Variants in MSRA observed in about 807,000 individuals in gnomAD.
MSRA encodes the protein methionine sulfoxide reductase A.
MSRA carries 54 observed loss-of-function variants against 31.3 expected under a neutral mutation model. The ratio of observed to expected loss-of-function variants is 1.73; its 90% CI spans 1.39 to 2.17. The LOEUF is 2.17. Among genes scored for constraint, MSRA ranks in the 30% most tolerant of loss-of-function variants. The pLI is 0.00. For missense variants in MSRA, 507 were observed against 300.9 expected, an observed-to-expected ratio of 1.69 and a Z score of -5.07; for synonymous variants, 169 against 116.5, an observed-to-expected ratio of 1.45 and a Z score of -2.90.
At chr8:10,064,105 C>T (rs1235241534) in intron 1 of MSRA, among the ~76,000 whole-genome samples, 2 of 152,130 alleles carry the variant, frequency 1.3e-5, no homozygotes, top group African/African-American at 4.8e-5. Flanking sequence ...AGTCATTTCC[C>T]CCGCTGTGTT....
At chr8:10,394,543 C>T (rs765868717) in intron 5 of MSRA, among the ~76,000 whole-genome samples, 11 of 152,232 alleles carry the variant, frequency 7.2e-5, no homozygotes, top group African/African-American at 2.7e-4. Context: ...ACTTGATTCC[C>T]TGAGCAGCTC....
chr8:10,391,283 C>T (rs1271874795), intron 5 of MSRA, among the ~76,000 whole-genome samples: 1 of 152,192 alleles, frequency 6.6e-6, no homozygotes, highest in Non-Finnish European at 1.5e-5. Flanking sequence ...GACCCGGACT[C>T]AAGGTCTGCT....
chr8:10,401,638 C>T (rs1041292433), intron 5 of MSRA, among the ~76,000 whole-genome samples: 4 of 151,644 alleles, frequency 2.6e-5, no homozygotes, highest in African/African-American at 9.7e-5. Flanking sequence ...TTACAATAGC[C>T]AAAAAGTGGA....
At chr8:10,132,600 T>C (rs1198948509) in intron 1 of MSRA, among the ~76,000 whole-genome samples, 1 of 152,202 alleles carries the variant, frequency 6.6e-6, no homozygotes, top group East Asian at 1.9e-4. Flanking sequence ...GGTCACCTTC[T>C]TGCTGAACAG....
chr8:10,350,077 T>G lies in MSRA; in HGVS notation c.543+30088T>G, dbSNP rs111428285. On this transcript the variant is annotated intron_variant, in intron 5 of 5. Coordinates refer to ENST00000317173, the MANE Select transcript of MSRA (RefSeq NM_012331.5). The stretch of plus-strand genomic sequence containing the variant: ...CTCGGATTGTACTTGAAACTTTCCA[T>G]TCTCCAGCTGGGCCATTTGGGGCAC... Among the ~76,000 whole-genome samples, 67 of 152,370 alleles carry G rather than the reference T, an allele frequency of 4.4e-4. 1 individual carries two copies. Among genetic ancestry groups the G allele is most frequent in the African/African-American group, 1.6e-3 (65 of 41,600 alleles).
At chr8:10,214,050 TG>T (rs1406281987) in intron 2 of MSRA, among the ~76,000 whole-genome samples, 2 of 152,216 alleles carry the variant, frequency 1.3e-5, no homozygotes, top group African/African-American at 4.8e-5. Context: ...AATGTCTCTC[TG>T]ACCTCAAACC....
intron 2 of MSRA, among the ~76,000 whole-genome samples, chr8:10,219,913 AAATC>A (rs1424985245): frequency 6.6e-6 from 1 of 151,814 alleles, no homozygotes; most frequent in African/African-American, 2.4e-5. Context: ...TAGGCAATCA[AAATC>A]AAACAGTGCC....
intron 2 of MSRA, among the ~76,000 whole-genome samples, chr8:10,229,619 G>A (rs983610835): frequency 1.3e-5 from 2 of 152,048 alleles, no homozygotes; most frequent in Non-Finnish European, 2.9e-5. Context: ...AGAACAGAGT[G>A]GACACGAACG....
chr8:10,378,149 G>C (rs1188122493), intron 5 of MSRA, among the ~76,000 whole-genome samples: 1 of 152,220 alleles, frequency 6.6e-6, no homozygotes, highest in Non-Finnish European at 1.5e-5. Flanking sequence ...GGGGATCAGG[G>C]ACCCTGGATT....
chr8:10,166,127 C>T (rs1805099557), intron 1 of MSRA, among the ~76,000 whole-genome samples: 1 of 152,180 alleles, frequency 6.6e-6, no homozygotes. Context: ...CCCAGCTTCA[C>T]TCTGGAGAGC....
chr8:10,121,053 G>A (rs867639145), intron 1 of MSRA, among the ~76,000 whole-genome samples: 1 of 152,088 alleles, frequency 6.6e-6, no homozygotes, highest in East Asian at 1.9e-4. Context: ...GTTAATAAAG[G>A]GTAGTCACTT....
At chr8:10,171,062 T>C (rs1317720059) in intron 1 of MSRA, among the ~76,000 whole-genome samples, 1 of 152,218 alleles carries the variant, frequency 6.6e-6, no homozygotes, top group Non-Finnish European at 1.5e-5. Flanking sequence ...GTAGGTCTTT[T>C]GAGAGCACTG....
At chr8:10,395,329 C>G (rs1371498473) in intron 5 of MSRA, among the ~76,000 whole-genome samples, 1 of 152,054 alleles carries the variant, frequency 6.6e-6, no homozygotes, top group Non-Finnish European at 1.5e-5. Context: ...GAAGGGATGA[C>G]CTAAATACGT....
chr8:10,291,705 C>T (rs1800245617), intron 3 of MSRA, among the ~76,000 whole-genome samples: 2 of 152,006 alleles, frequency 1.3e-5, no homozygotes, highest in Non-Finnish European at 2.9e-5. Context: ...CTGGATCATT[C>T]TGTGTGCTCT....
chr8:10,172,780 T>C (rs567596828), intron 1 of MSRA, among the ~76,000 whole-genome samples: 104 of 152,296 alleles, frequency 6.8e-4, no homozygotes, highest in Non-Finnish European at 1.2e-3. Flanking sequence ...TGCCTGTAGC[T>C]CACCCCTTCG....
In MSRA at chr8:10,235,693, C is replaced by T. The variant is rs1457804268; in HGVS notation, c.212-9411C>T. Among the ~76,000 whole-genome samples, 4 of 152,236 alleles carry T rather than the reference C, an allele frequency of 2.6e-5. No individual in the cohort carries two copies. In the East Asian group the frequency reaches 7.7e-4, roughly 29 times the overall value. ...ATCCCCTAATGATTCTCTTCCTTCTCTCCAAAGTCCAGGTGCTTCAGGAAA... is the reference window on the plus strand; with the variant it reads ...ATCCCCTAATGATTCTCTTCCTTCTTTCCAAAGTCCAGGTGCTTCAGGAAA... On this transcript the variant is annotated intron_variant, in intron 2 of 5. Coordinates refer to ENST00000317173, the MANE Select transcript of MSRA (RefSeq NM_012331.5).
intron 2 of MSRA, among the ~76,000 whole-genome samples, chr8:10,226,229 T>A (rs1028060762): frequency 6.6e-6 from 1 of 152,208 alleles, no homozygotes; most frequent in African/African-American, 2.4e-5. Context: ...TGCCTAGGCC[T>A]CAGTTTTGAA....
chr8:10,233,459 G>C lies in MSRA; in HGVS notation c.212-11645G>C, dbSNP rs569642357. Among the ~76,000 whole-genome samples the C allele has an allele frequency of 1.8e-4, 27 of 152,300 alleles. 1 individual carries two copies. In the South Asian group the frequency reaches 5.2e-3, roughly 29 times the overall value. On this transcript the variant is annotated intron_variant, in intron 2 of 5. Coordinates refer to ENST00000317173, the MANE Select transcript of MSRA (RefSeq NM_012331.5). ...AAAATGTGTGTTTAGGATGTTCAAA[G>C]AGGTCAGTGAAGAAATAATAAACTA...
chr8:10,130,517 C>T (rs912722779), intron 1 of MSRA, among the ~76,000 whole-genome samples: 1 of 152,120 alleles, frequency 6.6e-6, no homozygotes, highest in Non-Finnish European at 1.5e-5. Context: ...GATATTTTCC[C>T]CTCCGACATT....
Sources: allele counts gnomAD v4.1 joint callset (sites outside exome capture counted in the v4.1 genomes callset), GRCh38; gene constraint gnomAD v4.1.1; transcripts MANE v1.5; gene names NCBI Gene and HGNC (gene_info 2026-07-23, HGNC 2026-07-21).